The following PPARG variants were observed in gnomAD, a reference collection of about 807,000 sequenced individuals.
The protein encoded by PPARG is peroxisome proliferator activated receptor gamma.
PPARG carries 17 observed loss-of-function variants against 39.2 expected under a neutral mutation model. That is an observed-to-expected ratio of 0.43 (90% CI 0.30 to 0.65). The LOEUF (loss-of-function observed/expected upper bound fraction) is 0.65. Ranked by LOEUF, PPARG falls within the 30% of genes least tolerant of loss-of-function variation. The pLI is 0.13. For synonymous variants in PPARG, 223 were observed against 215.7 expected, an observed-to-expected ratio of 1.03 and a Z score of -0.30; for missense variants, 406 against 585.9, an observed-to-expected ratio of 0.69 and a Z score of 3.17.
chr3:12,417,021 G>A lies in PPARG; in HGVS notation c.1047G>A (p.Glu349=), dbSNP rs1163667537. Residue 349 remains glutamate, a synonymous_variant, in exon 7 of 8, where the codon GAG becomes GAA. Coordinates refer to ENST00000651735, the MANE Select transcript of PPARG (RefSeq NM_138711.6). ...ISEGQGFMTR[E]FLKSLRKPFG... ...AGGGCCAAGGCTTCATGACAAGGGA[G>A]TTTCTAAAGAGCCTGCGAAAGCCTT... 6.2e-7 allele frequency: 1 copy of A among 1,613,374 alleles called. No homozygotes were observed. Among genetic ancestry groups the A allele is most frequent in the African/African-American group, 1.3e-5 (1 of 74,940 alleles).
intron 5 of PPARG, among the ~76,000 whole-genome samples, chr3:12,399,820 C>CAAAA (rs36025945): frequency 5.8e-5 from 6 of 103,264 alleles, no homozygotes; most frequent in Admixed American, 1.1e-4. Context: ...CCATGTCTAC[C>CAAAA]AAAAAAAAAA....
intron 2 of PPARG, among the ~76,000 whole-genome samples, chr3:12,334,951 G>C (rs1380248895): frequency 6.6e-6 from 1 of 152,138 alleles, no homozygotes; most frequent in Non-Finnish European, 1.5e-5. Context: ...GATTTAAGTA[G>C]CATGAACTGT....
At chr3:12,403,949 G>A (rs2050567250) in intron 5 of PPARG, among the ~76,000 whole-genome samples, 1 of 152,172 alleles carries the variant, frequency 6.6e-6, no homozygotes, top group African/African-American at 2.4e-5. Flanking sequence ...TGGCAAGGGA[G>A]GAAAGAAAAC....
intron 7 of PPARG, among the ~76,000 whole-genome samples, chr3:12,430,445 G>T (rs2051620592): frequency 6.6e-6 from 1 of 152,200 alleles, no homozygotes; most frequent in Admixed American, 6.6e-5. Context: ...CAGAGCCTTT[G>T]GAACCAGACA....
At position 12,392,682 on chromosome 3, in the gene PPARG, CA is replaced by C. The variant is rs587776687; in HGVS notation, c.466del (p.Ser156ValfsTer47). 2 of 1,613,696 alleles carry C rather than the reference CA, an allele frequency of 1.2e-6. No individual in the cohort carries two copies. Among genetic ancestry groups the C allele is most frequent in the Non-Finnish European group, 8.5e-7 (1 of 1,179,802 alleles). Reference sequence around the variant, plus strand: ...GATGTGATCTTAACTGTCGGATCCACAAAAAAAGTAGAAATAAATGTCAGTA... The same window carrying C: ...GATGTGATCTTAACTGTCGGATCCACAAAAAAGTAGAAATAAATGTCAGTA... ...DRCDLNCRIH[K>X]KSRNKCQYCR... On this transcript the variant is annotated frameshift_variant, in exon 5 of 8. Transcript: ENST00000651735. LOFTEE classifies it high-confidence loss of function.
At chr3:12,373,736 T>G (rs2049305231) in intron 2 of PPARG, among the ~76,000 whole-genome samples, 1 of 152,156 alleles carries the variant, frequency 6.6e-6, no homozygotes, top group Non-Finnish European at 1.5e-5. Flanking sequence ...TACTCCAGAC[T>G]GGAAGTCTAA....
rs1466241270 is a variant in PPARG at position 12,434,059 on chromosome 3, G to A, written c.1342G>A (p.Val448Met). The A allele has an allele frequency of 1.9e-6, 3 of 1,614,150 alleles. No individual in the cohort carries two copies. The highest frequency in any genetic ancestry group is 1.1e-5 in the South Asian group (1 of 91,072). ...CCTCAGACAGATTGTCACGGAACAC[G>A]TGCAGCTACTGCAGGTGATCAAGAA... ...TDLRQIVTEH[V>M]QLLQVIKKTE... The change falls in exon 8 of 8, where the codon GTG becomes ATG. Residue 448 changes from valine to methionine, a missense_variant. Val to Met is a conservative substitution (Grantham distance 21). Coordinates refer to ENST00000651735, the MANE Select transcript of PPARG (RefSeq NM_138711.6). The surrounding 1 kb of genome is among the most constrained non-coding windows in gnomAD (Gnocchi z 4.2).
intron 7 of PPARG, among the ~76,000 whole-genome samples, chr3:12,422,957 C>A (rs181535041): frequency 1.3e-5 from 2 of 152,196 alleles, no homozygotes; most frequent in Admixed American, 1.3e-4. Flanking sequence ...ATATCCAAAG[C>A]CCTCCTTAAG....
intron 6 of PPARG, among the ~76,000 whole-genome samples, chr3:12,410,390 T>C (rs2050840995): frequency 6.6e-6 from 1 of 152,248 alleles, no homozygotes; most frequent in Non-Finnish European, 1.5e-5. Context: ...GATCCCATGT[T>C]TGTTGATGAA....
chr3:12,295,766 C>CG (rs1177136235), intron 1 of PPARG, among the ~76,000 whole-genome samples: 1 of 151,926 alleles, frequency 6.6e-6, no homozygotes, highest in Non-Finnish European at 1.5e-5. Context: ...CCACCTGCCT[C>CG]GGCCTCCCAA....
At chr3:12,337,681 C>G (rs949019630) in intron 2 of PPARG, among the ~76,000 whole-genome samples, 2 of 152,136 alleles carry the variant, frequency 1.3e-5, no homozygotes, top group African/African-American at 4.8e-5. Flanking sequence ...CTGTTTTTAC[C>G]ATTTGCAGTT....
At chr3:12,330,581 A>G (rs1253272828) in intron 2 of PPARG, among the ~76,000 whole-genome samples, 2 of 152,234 alleles carry the variant, frequency 1.3e-5, no homozygotes, top group Non-Finnish European at 2.9e-5. Flanking sequence ...TTGAACACAG[A>G]TAAATGCTGT....
chr3:12,399,219 G>A, intron 5 of PPARG: 1 of 388,720 alleles, frequency 2.6e-6, no homozygotes, highest in African/African-American at 2.1e-5. Context: ...GTGGTGTTTT[G>A]CTCATCTTCA....
chr3:12,299,288 A>C (rs940791136), intron 1 of PPARG, among the ~76,000 whole-genome samples: 16 of 152,138 alleles, frequency 1.1e-4, no homozygotes, highest in Non-Finnish European at 2.1e-4. Flanking sequence ...TTTAACGAGA[A>C]CATTTTTCAA....
chr3:12,382,388 T>C (rs1274330631), intron 4 of PPARG, among the ~76,000 whole-genome samples: 2 of 152,202 alleles, frequency 1.3e-5, no homozygotes, highest in Non-Finnish European at 2.9e-5. Context: ...AATTTTAATA[T>C]ACACAATGCA....
intron 2 of PPARG, among the ~76,000 whole-genome samples, chr3:12,370,280 C>T (rs963688768): frequency 3.3e-5 from 5 of 151,688 alleles, no homozygotes; most frequent in Admixed American, 2.6e-4. Flanking sequence ...GATTCCTGAT[C>T]CTTTCTATGG....
chr3:12,407,569 A>G (rs963590718), intron 6 of PPARG, among the ~76,000 whole-genome samples: 1 of 152,228 alleles, frequency 6.6e-6, no homozygotes, highest in Non-Finnish European at 1.5e-5. Context: ...CGTCCCAGCC[A>G]TGGAAAGCCC....
At position 12,332,765 on chromosome 3, in the gene PPARG, T is replaced by C. The variant is rs560391145; in HGVS notation, c.-9+20312T>C. ...CCATCCAAAGGCCAGGAGCAGTGAC[T>C]CAGGCCTATAGTCCCAGCACTTTGG... is the stretch of plus-strand genomic sequence containing the variant. On this transcript the variant is annotated intron_variant, in intron 2 of 7. Coordinates refer to ENST00000651735, the MANE Select transcript of PPARG (RefSeq NM_138711.6). Among the ~76,000 whole-genome samples the C allele has an allele frequency of 2.0e-5, 3 of 152,296 alleles. No homozygotes were observed. In the East Asian group the frequency reaches 5.8e-4, roughly 29 times the overall value.
intron 4 of PPARG, among the ~76,000 whole-genome samples, chr3:12,383,273 A>G (rs1422257746): frequency 6.6e-6 from 1 of 152,220 alleles, no homozygotes; most frequent in African/African-American, 2.4e-5. Flanking sequence ...AGATGCTTTC[A>G]TTTAAAACAC....
Sources: allele counts gnomAD v4.1 joint callset (sites outside exome capture counted in the v4.1 genomes callset), GRCh38; gene constraint gnomAD v4.1.1; non-coding constraint Gnocchi (gnomAD v3.1); transcripts MANE v1.5; gene names NCBI Gene and HGNC (gene_info 2026-07-23, HGNC 2026-07-21).